Variants in METTL15 observed in about 807,000 individuals in gnomAD.
METTL15 encodes the protein 12S rRNA N(4)-cytidine methyltransferase METTL15.
METTL15 carries 34 observed loss-of-function variants against 38.3 expected under a neutral mutation model. The ratio of observed to expected loss-of-function variants is 0.89; its 90% CI spans 0.68 to 1.18. The LOEUF is 1.18. Ranked by LOEUF, METTL15 falls within the 50% of genes most tolerant of loss-of-function variation. METTL15 has a pLI of 0.00. For missense variants in METTL15, 438 were observed against 498.4 expected (o/e 0.88, Z 1.15); for synonymous variants, 162 against 170.9 (o/e 0.95, Z 0.41).
intron 6 of METTL15, among the ~76,000 whole-genome samples, chr11:28,315,807 G>C (rs1030858423): frequency 1.3e-5 from 2 of 152,360 alleles, no homozygotes; most frequent in South Asian, 4.1e-4. Flanking sequence ...CCAAGTTACA[G>C]CTCAGGCTGT....
chr11:28,470,714 T>G (rs1282979574), intron 6 of METTL15, among the ~76,000 whole-genome samples: 3 of 152,094 alleles, frequency 2.0e-5, no homozygotes, highest in African/African-American at 7.2e-5. Flanking sequence ...TTAGCTAATG[T>G]AAGCACTCCC....
At chr11:28,295,274 A>C (rs542308079) in intron 5 of METTL15, among the ~76,000 whole-genome samples, 2 of 152,242 alleles carry the variant, frequency 1.3e-5, no homozygotes, top group African/African-American at 4.8e-5. Context: ...CACAGGTTAA[A>C]AATTGAGGTT....
intron 6 of METTL15, among the ~76,000 whole-genome samples, chr11:28,504,635 A>T (rs1851612432): frequency 6.6e-6 from 1 of 152,360 alleles, no homozygotes; most frequent in African/African-American, 2.4e-5. Context: ...TTGGGAAACA[A>T]GTAAACTGAG....
intron 6 of METTL15, among the ~76,000 whole-genome samples, chr11:28,457,853 G>A (rs866297444): frequency 1.3e-5 from 2 of 152,202 alleles, no homozygotes; most frequent in African/African-American, 4.8e-5. Context: ...AGTGAGGTGA[G>A]CTGGTGGCAG....
chr11:28,130,334 A>G (rs918931164), intron 3 of METTL15, among the ~76,000 whole-genome samples: 3 of 151,766 alleles, frequency 2.0e-5, no homozygotes, highest in Non-Finnish European at 4.4e-5. Flanking sequence ...AAACCAACAC[A>G]CCTTCTTGGC....
At chr11:28,409,377 G>A (rs542957738) in intron 5 of METTL15, among the ~76,000 whole-genome samples, 91 of 63,586 alleles carry the variant, frequency 1.4e-3, no homozygotes, top group Admixed American at 5.5e-3. Context: ...GCGAGACTCC[G>A]TCTCAAAAAA....
In METTL15 at chr11:28,330,651, G is replaced by T. The variant is rs571761472; in HGVS notation, c.1034G>T (p.Ser345Ile). Residue 345 changes from serine to isoleucine, a missense_variant, in exon 7 of 7, where the codon AGT becomes ATT. Coordinates refer to ENST00000407364, the MANE Select transcript of METTL15 (RefSeq NM_001113528.2). Reference sequence around the variant, plus strand: ...AGCATGACAGAAAGATTTAACCTAAGTGTTAGACAACAAGTGATGAAAACA... The same window carrying T: ...AGCATGACAGAAAGATTTAACCTAATTGTTAGACAACAAGTGATGAAAACA... Reference protein sequence around the residue: ...GISMTERFNLSVRQQVMKTSQ... With the variant: ...GISMTERFNLIVRQQVMKTSQ... 9.7e-6 allele frequency: 15 copies of T among 1,551,406 alleles called. No individual in the cohort carries two copies. Among genetic ancestry groups the T allele is most frequent in the Non-Finnish European group, 1.3e-5 (15 of 1,146,800 alleles).
intron 6 of METTL15, among the ~76,000 whole-genome samples, chr11:28,467,831 G>A (rs553058749): frequency 6.6e-6 from 1 of 152,294 alleles, no homozygotes; most frequent in South Asian, 2.1e-4. Flanking sequence ...AAAGAGGGTA[G>A]TAAGCTATAG....
chr11:28,235,258 C>A (rs1426035194), intron 4 of METTL15, among the ~76,000 whole-genome samples: 1 of 151,972 alleles, frequency 6.6e-6, no homozygotes, highest in African/African-American at 2.4e-5. Context: ...CAGCTTTGTT[C>A]TTGTGGCTTA....
In METTL15 at chr11:28,340,918, A is replaced by G. The variant is rs1210291565; in HGVS notation, c.*190-11172A>G. Among the ~76,000 whole-genome samples, 5 of 152,198 alleles carry G rather than the reference A, an allele frequency of 3.3e-5. No individual in the cohort carries two copies. The South Asian group carries it at 1.0e-3, about 32-fold the overall frequency. On this transcript the variant is annotated intron_variant and NMD_transcript_variant, in intron 3 of 7. Coordinates refer to the METTL15 transcript ENST00000532947. ...TCACAATAGCAAAGACTTAAAACCA[A>G]CCCAAATGCCCATCAATAATAGACT...
intron 6 of METTL15, among the ~76,000 whole-genome samples, chr11:28,455,216 CTTT>C (rs34686157): frequency 0.33 from 26,846 of 82,348 alleles, 2,994 homozygotes; most frequent in Non-Finnish European, 0.41. Flanking sequence ...GATCAGCTAG[CTTT>C]TTTTTTTTTT....
At chr11:28,253,146 C>T (rs919870305) in intron 4 of METTL15, among the ~76,000 whole-genome samples, 6 of 152,142 alleles carry the variant, frequency 3.9e-5, no homozygotes, top group Non-Finnish European at 5.9e-5. Flanking sequence ...TAACCTTTCC[C>T]CTAAGCTCCA....
At chr11:28,252,539 C>G (rs887169719) in intron 4 of METTL15, among the ~76,000 whole-genome samples, 7 of 152,036 alleles carry the variant, frequency 4.6e-5, no homozygotes, top group African/African-American at 1.7e-4. Flanking sequence ...TTATGTCTTC[C>G]CTTTAGTTGT....
chr11:28,407,440 T>C (rs1338239648), intron 5 of METTL15, among the ~76,000 whole-genome samples: 1 of 152,160 alleles, frequency 6.6e-6, no homozygotes, highest in Non-Finnish European at 1.5e-5. Context: ...ATCCAGCATC[T>C]GGAAGGAGCT....
chr11:28,211,381 T>C (rs1852635693), intron 4 of METTL15, among the ~76,000 whole-genome samples, 183 bp downstream of exon 4: 1 of 152,094 alleles, frequency 6.6e-6, no homozygotes, highest in African/African-American at 2.4e-5. Context: ...AGTAATGCTA[T>C]TTTCCAGTTA....
chr11:28,291,506 T>G (rs1856513857), intron 5 of METTL15, among the ~76,000 whole-genome samples: 3 of 152,170 alleles, frequency 2.0e-5, no homozygotes, highest in Non-Finnish European at 4.4e-5. Flanking sequence ...TGCTTTGTTT[T>G]GTGGTAATTA....
chr11:28,310,436 C>A (rs987411016), intron 6 of METTL15, among the ~76,000 whole-genome samples: 3 of 151,954 alleles, frequency 2.0e-5, no homozygotes, highest in African/African-American at 7.3e-5. Flanking sequence ...TGTCTGATTG[C>A]TTCTCAATTC....
At chr11:28,122,139 C>T (rs1313683270) in intron 3 of METTL15, 10 of 1,220,150 alleles carry the variant, frequency 8.2e-6, no homozygotes, top group Non-Finnish European at 1.1e-5. Flanking sequence ...ATTCCTCTTA[C>T]AGAGTCTTGG....
intron 4 of METTL15, among the ~76,000 whole-genome samples, chr11:28,254,470 A>G (rs1043071402): frequency 6.6e-6 from 1 of 152,170 alleles, no homozygotes; most frequent in Non-Finnish European, 1.5e-5. Flanking sequence ...TTTGCTGTGC[A>G]GAAGCTTTTT....
Sources: gnomAD v4.1 joint callset for allele counts (sites outside exome capture counted in the v4.1 genomes callset) on GRCh38, gnomAD v4.1.1 for gene constraint, MANE v1.5 for transcripts, NCBI Gene and HGNC (gene_info 2026-07-23, HGNC 2026-07-21) for gene names.